SPATA9: variants seen among roughly 807,000 people sequenced by gnomAD.
SPATA9 encodes spermatogenesis associated 9.
A neutral mutation model predicts 25.5 loss-of-function variants in SPATA9; 27 were observed. The observed-to-expected ratio is 1.06, with a 90% CI of 0.78 to 1.46. The LOEUF is 1.46. Ranked by LOEUF, SPATA9 falls within the 40% of genes most tolerant of loss-of-function variation. The pLI, the probability that SPATA9 is intolerant of heterozygous loss-of-function variation, is 0.00. For missense variants in SPATA9, 282 were observed against 297.5 expected (o/e 0.95, Z 0.38); for synonymous variants, 102 against 105.7 (o/e 0.97, Z 0.21).
In SPATA9 at chr5:95,682,817, A is replaced by T; in HGVS notation, c.38T>A (p.Val13Glu). Residue 13 changes from valine (V) to glutamate (E), a missense_variant, in exon 1 of 5, where the codon GTG becomes GAG. Coordinates refer to ENST00000274432, the MANE Select transcript of SPATA9 (RefSeq NM_031952.4). ...ACTTCTTCCAGAAAAGTTCTTCAAC[A>T]CCTGCCCACATATCCACCCAACAGG... Reference protein sequence around the residue: ...IKPVGWICGQVLKNFSGRIEG... With the variant: ...IKPVGWICGQELKNFSGRIEG... The T allele has an allele frequency of 6.5e-7, 1 of 1,549,218 alleles. No homozygotes were observed. The highest frequency in any genetic ancestry group is 8.7e-7 in the Non-Finnish European group (1 of 1,152,290).
At chr5:95,656,585 G>A, downstream of SPATA9, 3 of 223,566 alleles carry the variant, frequency 1.3e-5, no homozygotes, top group Admixed American at 1.1e-4. Flanking sequence ...AAATAAATTT[G>A]GAGTAAACAA....
At chr5:95,653,338 C>A, downstream of SPATA9, 1 of 1,336,726 alleles carries the variant, frequency 7.5e-7, no homozygotes, top group Non-Finnish European at 1.0e-6. Flanking sequence ...AGCCAAGAGG[C>A]TGAAGACTAT....
chr5:95,688,997 C>T (rs905599373), intron 1 of SPATA9, among the ~76,000 whole-genome samples: 5 of 152,030 alleles, frequency 3.3e-5, no homozygotes, highest in Non-Finnish European at 7.4e-5. Context: ...TAAATGCAAG[C>T]ACCGAAGACA....
chr5:95,724,785 G>C, the SPATA9 span, among the ~76,000 whole-genome samples: 5 of 152,042 alleles, frequency 3.3e-5, no homozygotes, highest in Non-Finnish European at 7.4e-5. Context: ...CAGTAAATTA[G>C]GATAATAATA....
At chr5:95,713,354 C>G in the SPATA9 span, among the ~76,000 whole-genome samples, 1 of 151,894 alleles carries the variant, frequency 6.6e-6, no homozygotes, top group Non-Finnish European at 1.5e-5. Context: ...AGGAGGGGCC[C>G]GGTGGGAGGT....
the SPATA9 span, among the ~76,000 whole-genome samples, chr5:95,710,768 T>TATCC: frequency 6.6e-6 from 1 of 152,224 alleles, no homozygotes; most frequent in Non-Finnish European, 1.5e-5. Context: ...TAGCCGCCAC[T>TATCC]AAGATTTTTG....
At chr5:95,654,194 T>C (rs1750561599), downstream of SPATA9, 2 of 1,613,074 alleles carry the variant, frequency 1.2e-6, no homozygotes, top group Non-Finnish European at 1.7e-6. Context: ...GGTCATTTTC[T>C]ACCACAAGGG....
At chr5:95,686,480 C>T (rs1465130362), upstream of SPATA9, among the ~76,000 whole-genome samples, 8 of 152,028 alleles carry the variant, frequency 5.3e-5, no homozygotes, top group Non-Finnish European at 1.2e-4. Context: ...TAGGATTGTT[C>T]ACTTACGTCT....
chr5:95,724,604 T>C, the SPATA9 span, among the ~76,000 whole-genome samples: 7 of 152,312 alleles, frequency 4.6e-5, no homozygotes, highest in East Asian at 9.7e-4. Context: ...TAGCTGGGAT[T>C]ACAAGCTCCC....
At chr5:95,681,118 T>C (rs153906) in intron 2 of SPATA9, among the ~76,000 whole-genome samples, 6,284 of 152,266 alleles carry the variant, frequency 0.041, 186 homozygotes, top group Non-Finnish European at 0.065. Context: ...TAAAAAAGTA[T>C]TTTTGTTGTG....
At chr5:95,710,345 A>G in the SPATA9 span, among the ~76,000 whole-genome samples, 1 of 152,224 alleles carries the variant, frequency 6.6e-6, no homozygotes, top group Non-Finnish European at 1.5e-5. Context: ...CTAACAGTAA[A>G]CTGATACTGC....
chr5:95,659,061 A>T, intron 4 of SPATA9, 148 bp from the exon 5 acceptor site: 1 of 997,152 alleles, frequency 1.0e-6, no homozygotes, highest in East Asian at 2.6e-5. Flanking sequence ...TCAGGTACAT[A>T]ATATAATAAG....
At chr5:95,675,328 G>T in intron 3 of SPATA9, 84 bp downstream of exon 3, 1 of 1,114,588 alleles carries the variant, frequency 9.0e-7, no homozygotes. Context: ...GGACAATCAA[G>T]TTCACCACAT....
chr5:95,673,080 ATAAT>A (rs1752559594), intron 3 of SPATA9, among the ~76,000 whole-genome samples: 1 of 152,082 alleles, frequency 6.6e-6, no homozygotes, highest in African/African-American at 2.4e-5. Context: ...AGGGTAATGA[ATAAT>A]TAATCTCTCT....
Position 95,665,881 on chromosome 5 carries a change from A to G in SPATA9, c.379-1833T>C, listed in dbSNP as rs373564849. Among the ~76,000 whole-genome samples, 11 of 152,126 alleles carry G rather than the reference A, an allele frequency of 7.2e-5. No individual in the cohort carries two copies. In the East Asian group the frequency reaches 1.9e-3, roughly 27 times the overall value. On this transcript the variant is annotated intron_variant, in intron 3 of 4. Transcript: ENST00000274432. The stretch of plus-strand genomic sequence containing the variant: ...CTACTTGGGAGGCTGAGGCAGGACA[A>G]TCGCTTGAATCTGGGAGGCAGAGGT...
At chr5:95,701,187 T>C (rs1406673710), upstream of SPATA9, 2 of 152,224 alleles carry the variant, frequency 1.3e-5, no homozygotes, top group Non-Finnish European at 2.9e-5. Flanking sequence ...AACCTCTTGA[T>C]ATAAAGCAGA....
chr5:95,696,183 C>T (rs1179212173), intron 1 of SPATA9, among the ~76,000 whole-genome samples: 1 of 152,158 alleles, frequency 6.6e-6, no homozygotes, highest in Non-Finnish European at 1.5e-5. Context: ...CTAAGCTGCA[C>T]CTGGACTCCT....
the SPATA9 span, chr5:95,731,309 T>G: frequency 3.8e-6 from 4 of 1,045,168 alleles, no homozygotes; most frequent in Non-Finnish European, 4.6e-6. Context: ...CTTCTCTGCT[T>G]AGAGGAGGAG....
At chr5:95,673,744 C>A (rs576101607) in intron 3 of SPATA9, among the ~76,000 whole-genome samples, 164 of 148,230 alleles carry the variant, frequency 1.1e-3, no homozygotes, top group Admixed American at 2.2e-3. Flanking sequence ...TTTTCTTTTT[C>A]TTTTTTTCTT....
Sources: gnomAD v4.1 joint callset for allele counts (sites outside exome capture counted in the v4.1 genomes callset) on GRCh38, gnomAD v4.1.1 for gene constraint, MANE v1.5 for transcripts, NCBI Gene and HGNC (gene_info 2026-07-23, HGNC 2026-07-21) for gene names.